ARHGAP39: variants seen among roughly 807,000 people sequenced by gnomAD.
ARHGAP39 encodes the protein rho GTPase-activating protein 39.
In ARHGAP39, 44 loss-of-function variants were observed where a neutral mutation model predicts 106.9. The ratio of observed to expected loss-of-function variants is 0.41; its 90% CI spans 0.32 to 0.53. ARHGAP39 has a LOEUF of 0.53. Ranked by LOEUF, ARHGAP39 falls within the 20% of genes least tolerant of loss-of-function variation. ARHGAP39 has a pLI of 0.21. For synonymous variants in ARHGAP39, 768 were observed against 693.2 expected, an observed-to-expected ratio of 1.11 and a Z score of -1.69; for missense variants, 1,496 against 1,577.3, an observed-to-expected ratio of 0.95 and a Z score of 0.87.
At chr8:144,689,451 T>G (rs1822700706), upstream of ARHGAP39, among the ~76,000 whole-genome samples, 1 of 142,278 alleles carries the variant, frequency 7.0e-6, no homozygotes, top group Non-Finnish European at 1.5e-5. Context: ...TTTTTTTTTT[T>G]TTTGAAAAGG....
intron 1 of ARHGAP39, among the ~76,000 whole-genome samples, chr8:144,633,809 C>T (rs544881410): frequency 2.0e-5 from 3 of 152,314 alleles, no homozygotes; most frequent in Admixed American, 6.5e-5. Context: ...CCAGAGCAGC[C>T]AGGACTACAG....
intron 1 of ARHGAP39, among the ~76,000 whole-genome samples, chr8:144,616,619 C>T (rs959130116): frequency 2.0e-5 from 3 of 152,176 alleles, no homozygotes; most frequent in African/African-American, 4.8e-5. Context: ...CACCCCAGGC[C>T]GCCCTAGGCA....
the ARHGAP39 span, among the ~76,000 whole-genome samples, chr8:144,700,172 C>G: frequency 3.3e-5 from 5 of 152,328 alleles, no homozygotes; most frequent in Admixed American, 3.3e-4. The surrounding 1 kb of genome is among the most constrained non-coding windows in gnomAD (Gnocchi z 5.6). Context: ...CAGTCTCCCC[C>G]CTGGAGATCC....
At chr8:144,563,347 T>C (rs1011732045) in intron 3 of ARHGAP39, among the ~76,000 whole-genome samples, 2 of 152,236 alleles carry the variant, frequency 1.3e-5, no homozygotes, top group Middle Eastern at 3.2e-3. Flanking sequence ...CAGAAATCAA[T>C]GATAAATATT....
chr8:144,615,235 C>T (rs564991953), intron 1 of ARHGAP39, among the ~76,000 whole-genome samples: 256 of 152,244 alleles, frequency 1.7e-3, no homozygotes, highest in Non-Finnish European at 3.1e-3. Context: ...GTGAGAGGAT[C>T]GCTGACCCCA....
At position 144,586,023 on chromosome 8, in the gene ARHGAP39, G is replaced by C. The variant is rs894405167; in HGVS notation, c.81-4746C>G. Among the ~76,000 whole-genome samples the C allele has an allele frequency of 2.0e-5, 3 of 152,156 alleles. No homozygotes were observed. The highest frequency in any genetic ancestry group is 7.2e-5 in the African/African-American group (3 of 41,432). ...AGACAGAGTCTTGCTCTGTCACCCA[G>C]GCTGGAGTGCAGTGGTGTGATCTCA... On this transcript the variant is annotated intron_variant, in intron 2 of 11. Coordinates refer to ENST00000377307, the MANE Select transcript of ARHGAP39 (RefSeq NM_025251.3). The surrounding 1 kb of genome is among the most constrained non-coding windows in gnomAD (Gnocchi z 4.2).
intron 1 of ARHGAP39, among the ~76,000 whole-genome samples, chr8:144,661,972 C>T (rs1218642142): frequency 6.7e-6 from 1 of 149,864 alleles, no homozygotes; most frequent in Non-Finnish European, 1.5e-5. Flanking sequence ...CTTTGGACTG[C>T]TCACCCTCCC....
At chr8:144,572,240 C>T (rs1361717410) in intron 3 of ARHGAP39, among the ~76,000 whole-genome samples, 3 of 152,188 alleles carry the variant, frequency 2.0e-5, no homozygotes, top group Non-Finnish European at 4.4e-5. Context: ...TACAAGGCTA[C>T]AGTAACCAAA....
At chr8:144,551,399 G>A (rs1027419559) in intron 4 of ARHGAP39, among the ~76,000 whole-genome samples, 3 of 152,102 alleles carry the variant, frequency 2.0e-5, no homozygotes, top group Non-Finnish European at 4.4e-5. Flanking sequence ...ATCCCGCCTG[G>A]CCAGGGGAGG....
intron 1 of ARHGAP39, among the ~76,000 whole-genome samples, chr8:144,662,741 T>C (rs1821864021): frequency 6.8e-6 from 1 of 148,060 alleles, no homozygotes; most frequent in Non-Finnish European, 1.5e-5. Context: ...TTATCCACCT[T>C]GGCCAGCTCC....
At chr8:144,537,699 G>A (rs368981280) in intron 7 of ARHGAP39, 22 bp downstream of exon 7, 1 of 1,605,824 alleles carries the variant, frequency 6.2e-7, no homozygotes. Flanking sequence ...CCGCGCCCAG[G>A]GGCTGCGGGG....
Position 144,585,111 on chromosome 8 carries a change from G to T in ARHGAP39, c.81-3834C>A, listed in dbSNP as rs1424233486. On this transcript the variant is annotated intron_variant, in intron 2 of 11. Transcript: ENST00000377307. This position sits in a 1 kb window ranked among gnomAD's most constrained non-coding sequence, Gnocchi z 4.6. Reference sequence around the variant, plus strand: ...CTCGTCCAGGTGTCTGAAGGGCTTAGACGCCCTCTCCCGATTGGCCCTGTG... The same window carrying T: ...CTCGTCCAGGTGTCTGAAGGGCTTATACGCCCTCTCCCGATTGGCCCTGTG... Among the ~76,000 whole-genome samples, 2 of 152,150 alleles carry T rather than the reference G, an allele frequency of 1.3e-5. No individual in the cohort carries two copies. Among genetic ancestry groups the T allele is most frequent in the Non-Finnish European group, 2.9e-5 (2 of 68,024 alleles).
At chr8:144,687,003 C>G (rs562342412), upstream of ARHGAP39, among the ~76,000 whole-genome samples, 1,985 of 33,454 alleles carry the variant, frequency 0.059, 183 homozygotes, top group African/African-American at 0.075. Context: ...CTGGCGGCGA[C>G]CATTTCCCAC....
intron 2 of ARHGAP39, among the ~76,000 whole-genome samples, chr8:144,602,751 T>A (rs1395671988): frequency 7.0e-6 from 1 of 142,542 alleles, no homozygotes; most frequent in Non-Finnish European, 1.5e-5. Flanking sequence ...GAGGCGTGTG[T>A]GTGAGCTCGT....
chr8:144,692,965 C>T, the ARHGAP39 span, among the ~76,000 whole-genome samples: 4 of 150,554 alleles, frequency 2.7e-5, no homozygotes, highest in Admixed American at 1.3e-4. Context: ...CACTGTGTTT[C>T]CCAGGCTGAT....
rs1453729175 is a variant in ARHGAP39, at chr8:144,604,431, G to T, written c.80+1104C>A. The stretch of plus-strand genomic sequence containing the variant: ...CTCACGCAGTCGCTCAGGCCAGAGT[G>T]CAGTGGTGTGATCTCAGCTCACTGC... On this transcript the variant is annotated intron_variant, in intron 2 of 11. Transcript: ENST00000377307. The surrounding 1 kb of genome is among the most constrained non-coding windows in gnomAD (Gnocchi z 4.1). Among the ~76,000 whole-genome samples, 1 of 152,146 alleles carries T rather than the reference G, an allele frequency of 6.6e-6. No individual in the cohort carries two copies. Among genetic ancestry groups the T allele is most frequent in the East Asian group, 1.9e-4 (1 of 5,190 alleles).
chr8:144,676,891 G>A (rs373832841), intron 1 of ARHGAP39, among the ~76,000 whole-genome samples: 4 of 152,246 alleles, frequency 2.6e-5, no homozygotes, highest in Non-Finnish European at 4.4e-5. Flanking sequence ...GAGAGCAAGC[G>A]AGGGCTGCCA....
chr8:144,687,967 CCAACCCCGTGACCACATACT>C, upstream of ARHGAP39, among the ~76,000 whole-genome samples: 1 of 137,488 alleles, frequency 7.3e-6, no homozygotes, highest in Admixed American at 7.1e-5. Context: ...TGAGCACTTC[CCAACCCCGTGACCACATACT>C]AGCGGTGAGC....
Position 144,530,355 on chromosome 8 carries a change from A to G in ARHGAP39, c.*67T>C. On this transcript the variant is annotated 3_prime_UTR_variant, in exon 12 of 12. Coordinates refer to ENST00000377307, the MANE Select transcript of ARHGAP39 (RefSeq NM_025251.3). ...GGGCGATTCTGGCCCCTCTGCCGGG[A>G]GAGCGAGTGCGGAGTTCGGCCTGGC... 1 of 1,488,184 alleles carries G rather than the reference A, an allele frequency of 6.7e-7. No homozygotes were observed. Among genetic ancestry groups the G allele is most frequent in the Non-Finnish European group, 9.1e-7 (1 of 1,102,498 alleles). 92.2% of individuals were successfully genotyped at this position (1,488,184 alleles called of 1,614,324 possible). A position where few individuals can be genotyped will look rare whatever the true frequency, so the allele number is the denominator to read the frequency against.
Sources: allele counts gnomAD v4.1 joint callset (sites outside exome capture counted in the v4.1 genomes callset), GRCh38; gene constraint gnomAD v4.1.1; non-coding constraint Gnocchi (gnomAD v3.1); transcripts MANE v1.5; gene names NCBI Gene and HGNC (gene_info 2026-07-23, HGNC 2026-07-21).